LTBP1: variants seen among roughly 807,000 people sequenced by gnomAD.
LTBP1 encodes latent transforming growth factor beta binding protein 1, also known as latent-transforming growth factor beta-binding protein 1.
A neutral mutation model predicts 207.6 loss-of-function variants in LTBP1; 129 were observed. The ratio of observed to expected loss-of-function variants is 0.62; its 90% CI spans 0.54 to 0.72. The LOEUF (loss-of-function observed/expected upper bound fraction) is 0.72. LTBP1 is among the 30% of genes least tolerant of loss of function. The pLI, the probability that LTBP1 is intolerant of heterozygous loss-of-function variation, is 0.00. For missense variants in LTBP1, 2,281 were observed against 2,217.2 expected, an observed-to-expected ratio of 1.03 and a Z score of -0.58; for synonymous variants, 963 against 833.7, an observed-to-expected ratio of 1.16 and a Z score of -2.67.
intron 15 of LTBP1, among the ~76,000 whole-genome samples, chr2:33,268,210 A>G (rs576932725): frequency 2.0e-5 from 3 of 152,348 alleles, no homozygotes; most frequent in Non-Finnish European, 4.4e-5. Context: ...CAAAATGTGT[A>G]TGTTCCCATC....
chr2:33,337,977 A>T lies in LTBP1; in HGVS notation c.3731-4861A>T, dbSNP rs138291902. On this transcript the variant is annotated intron_variant, in intron 24 of 33. Coordinates refer to ENST00000404816, the MANE Select transcript of LTBP1 (RefSeq NM_206943.4). ...GTATATACGGGACTAACAATGGAAA[A>T]ATATCTCAGAGAGCTCACATCATCA... Among the ~76,000 whole-genome samples the T allele has an allele frequency of 8.9e-4, 136 of 152,300 alleles. 1 individual carries two copies. Among genetic ancestry groups the T allele is most frequent in the African/African-American group, 3.1e-3 (130 of 41,562 alleles).
chr2:32,988,838 A>G (rs961835506), intron 2 of LTBP1, among the ~76,000 whole-genome samples: 1 of 152,232 alleles, frequency 6.6e-6, no homozygotes, highest in Non-Finnish European at 1.5e-5. Context: ...GTAATTATCC[A>G]TATAGGATTA....
intron 3 of LTBP1, among the ~76,000 whole-genome samples, chr2:33,051,828 C>A (rs949082527): frequency 5.3e-5 from 8 of 152,188 alleles, no homozygotes; most frequent in African/African-American, 1.9e-4. Context: ...TTACTACCAT[C>A]TAAGTCCTAG....
In LTBP1 at chr2:33,134,508, T is replaced by G; in HGVS notation, c.1034-285T>G. The G allele has an allele frequency of 7.1e-7, 1 of 1,407,526 alleles. No individual in the cohort carries two copies. Among genetic ancestry groups the G allele is most frequent in the Non-Finnish European group, 9.6e-7 (1 of 1,036,924 alleles). 87.2% of individuals were successfully genotyped at this position (1,407,526 alleles called of 1,614,324 possible). A position where few individuals can be genotyped will look rare whatever the true frequency, so the allele number is the denominator to read the frequency against. On this transcript the variant is annotated intron_variant, in intron 4 of 33. Coordinates refer to ENST00000404816, the MANE Select transcript of LTBP1 (RefSeq NM_206943.4). This position sits in a 1 kb window ranked among gnomAD's most constrained non-coding sequence, Gnocchi z 4.4. ...CGTGAATAAAGTGCAGCATTGTGGT[T>G]AGTAATCCCACTCCAGTGACTCGAC...
chr2:33,295,314 G>T (rs1341652451), intron 20 of LTBP1, among the ~76,000 whole-genome samples: 1 of 152,066 alleles, frequency 6.6e-6, no homozygotes, highest in Non-Finnish European at 1.5e-5. Flanking sequence ...ATCACCTGAA[G>T]TCAGGAGTTC....
At position 33,263,002 on chromosome 2, in the gene LTBP1, G is replaced by A. The variant is rs1383194827; in HGVS notation, c.2518+181G>A. Among the ~76,000 whole-genome samples the A allele has an allele frequency of 2.7e-5, 4 of 149,810 alleles. No homozygotes were observed. The South Asian group carries it at 8.4e-4, about 31-fold the overall frequency. ...TTACAGCATTGTAAGGATTGTAGTG[G>A]GAAAGATAGGTTTTTTTTTTTTACT... is the stretch of plus-strand genomic sequence containing the variant. On this transcript the variant is annotated intron_variant, in intron 14 of 33. Transcript: ENST00000404816.
At chr2:33,381,908 A>G (rs2095218768) in intron 31 of LTBP1, among the ~76,000 whole-genome samples, 1 of 152,100 alleles carries the variant, frequency 6.6e-6, no homozygotes, top group African/African-American at 2.4e-5. Context: ...TATTGGAAAC[A>G]AAAGGAGCTA....
At chr2:33,119,849 G>A (rs976878062) in intron 4 of LTBP1, among the ~76,000 whole-genome samples, 3 of 152,130 alleles carry the variant, frequency 2.0e-5, no homozygotes, top group Non-Finnish European at 4.4e-5. Context: ...AGAGCACTGC[G>A]CCTGGCCTGT....
At chr2:33,016,179 C>G (rs1447964918) in intron 2 of LTBP1, among the ~76,000 whole-genome samples, 1 of 152,076 alleles carries the variant, frequency 6.6e-6, no homozygotes, top group African/African-American at 2.4e-5. Flanking sequence ...ATAGGGCTCC[C>G]TCTGTGCAGA....
chr2:32,984,574 A>G (rs561008097), intron 2 of LTBP1, among the ~76,000 whole-genome samples: 3 of 152,354 alleles, frequency 2.0e-5, no homozygotes, highest in Admixed American at 2.0e-4. Context: ...AAAGAAAAGA[A>G]GTGACTTTCC....
Position 33,361,510 on chromosome 2 carries a change from A to C in LTBP1, c.4265A>C (p.Tyr1422Ser). The C allele has an allele frequency of 6.2e-7, 1 of 1,612,226 alleles. No homozygotes were observed. Among genetic ancestry groups the C allele is most frequent in the South Asian group, 1.1e-5 (1 of 90,944 alleles). Residue 1422 changes from tyrosine to serine, a missense_variant, in exon 28 of 34, where the codon TAT becomes TCT. This residue lies in a region of LTBP1 where 1,671 missense variants were observed against 1,634.8 expected (regional missense o/e 1.02). Transcript: ENST00000404816. ...TCTTCTGAAGCTGGTGGTGAGAACT[A>C]TAAAGGTCAGAATCAAGTGGAAACA... Reference protein sequence around the residue: ...ESSSEAGGENYKDADECLLFG... With the variant: ...ESSSEAGGENSKDADECLLFG...
intron 23 of LTBP1, among the ~76,000 whole-genome samples, chr2:33,311,394 A>G (rs538004514): frequency 6.6e-6 from 1 of 152,162 alleles, no homozygotes; most frequent in Non-Finnish European, 1.5e-5. Context: ...ATTTTTTCCA[A>G]TGCAGAAATT....
At chr2:33,233,866 T>C (rs1351557815) in intron 9 of LTBP1, among the ~76,000 whole-genome samples, 1 of 152,136 alleles carries the variant, frequency 6.6e-6, no homozygotes, top group Non-Finnish European at 1.5e-5. Context: ...TATTTTTTAT[T>C]TGTTTATGTT....
intron 3 of LTBP1, among the ~76,000 whole-genome samples, chr2:33,035,617 A>G (rs950227541): frequency 3.9e-5 from 6 of 152,232 alleles, no homozygotes; most frequent in Non-Finnish European, 8.8e-5. Flanking sequence ...GAAGAATGCA[A>G]AAGCATATCA....
intron 3 of LTBP1, among the ~76,000 whole-genome samples, chr2:33,088,592 G>A (rs1313681930): frequency 1.3e-5 from 2 of 152,146 alleles, no homozygotes; most frequent in Non-Finnish European, 2.9e-5. Flanking sequence ...TAGACTGTAA[G>A]CTTCATGAGG....
At chr2:33,032,124 T>A (rs952765966) in intron 3 of LTBP1, among the ~76,000 whole-genome samples, 4 of 152,158 alleles carry the variant, frequency 2.6e-5, no homozygotes. Context: ...TGTTGATCTC[T>A]CTCTCTACCT....
chr2:33,024,824 C>A (rs1558528846), intron 3 of LTBP1, among the ~76,000 whole-genome samples: 1 of 152,198 alleles, frequency 6.6e-6, no homozygotes, highest in Non-Finnish European at 1.5e-5. Flanking sequence ...CAAAACTTAG[C>A]AACCTAAAAT....
At chr2:33,370,673 G>T (rs1306117509) in intron 31 of LTBP1, among the ~76,000 whole-genome samples, 1 of 152,176 alleles carries the variant, frequency 6.6e-6, no homozygotes, top group Admixed American at 6.5e-5. Context: ...TAAATATACT[G>T]TTCCCGGATA....
intron 19 of LTBP1, among the ~76,000 whole-genome samples, chr2:33,282,259 A>C (rs780314842): frequency 5.9e-5 from 9 of 151,954 alleles, no homozygotes; most frequent in Non-Finnish European, 1.2e-4. Context: ...TGTATTTCCT[A>C]TTGTTAAATG....
Sources: gnomAD v4.1 joint callset for allele counts (sites outside exome capture counted in the v4.1 genomes callset) on GRCh38, gnomAD v4.1.1 for gene constraint, gnomAD v4.1.1 regional missense constraint, Gnocchi (gnomAD v3.1) non-coding constraint, MANE v1.5 for transcripts, NCBI Gene and HGNC (gene_info 2026-07-23, HGNC 2026-07-21) for gene names.